The following NLRP7 variants were observed in gnomAD, a reference collection of about 807,000 sequenced individuals.
NLRP7 encodes the protein NLR family pyrin domain containing 7.
In NLRP7, 72 loss-of-function variants were observed where a neutral mutation model predicts 85.5. That is an observed-to-expected ratio of 0.84 (90% CI 0.70 to 1.02). The LOEUF (loss-of-function observed/expected upper bound fraction) is 1.02, where lower values mean the gene tolerates loss of function less well. Ranked by LOEUF, NLRP7 falls within the 50% of genes least tolerant of loss-of-function variation. The pLI is 0.00. For missense variants in NLRP7, 1,243 were observed against 1,219.5 expected (o/e 1.02, Z -0.29); for synonymous variants, 550 against 505.2 (o/e 1.09, Z -1.19).
exon 2 of NLRP7, chr19:54,941,544 T>G (rs2069226702): frequency 6.2e-7 from 1 of 1,614,072 alleles, no homozygotes; most frequent in Non-Finnish European, 8.5e-7. Context: ...TGACCAGAAT[T>G]TCTGCCAGTT....
chr19:54,925,004 C>G (rs2068372184), intron 9 of NLRP7, among the ~76,000 whole-genome samples: 1 of 152,036 alleles, frequency 6.6e-6, no homozygotes, highest in South Asian at 2.1e-4. Context: ...CCAGAGTGAA[C>G]CCCAGGGTTA....
rs763746409 is a variant in NLRP7, at chr19:54,939,730, G to A, written c.1089C>T (p.Pro363=). ...TCGTGCACACAATCCAGCACACCGCGGGGGCCGAGCCCAGCTGGAACAGGG... is the reference window on the plus strand; with the variant it reads ...TCGTGCACACAATCCAGCACACCGCAGGGGCCGAGCCCAGCTGGAACAGGG... Residue 363 remains proline (P), a synonymous_variant, in exon 4 of 10, where the codon CCC becomes CCT. Transcript: ENST00000340844. 24 of 1,613,426 alleles carry A rather than the reference G, an allele frequency of 1.5e-5. No individual in the cohort carries two copies. The South Asian group carries it at 1.5e-4, about 10-fold the overall frequency.
intron 6 of NLRP7, among the ~76,000 whole-genome samples, chr19:54,935,694 GAAAAA>G (rs34297504): frequency 9.4e-6 from 1 of 106,038 alleles, no homozygotes; most frequent in Non-Finnish European, 2.2e-5. Flanking sequence ...CTGTCTCAAA[GAAAAA>G]AAAAAAAAAA....
intron 1 of NLRP7, among the ~76,000 whole-genome samples, chr19:54,964,028 C>A (rs2195968): frequency 6.8e-6 from 1 of 147,834 alleles, no homozygotes; most frequent in Non-Finnish European, 1.5e-5. Flanking sequence ...TACAGGCACC[C>A]GCCACCACGC....
At chr19:54,937,609 A>C (rs1170247779) in intron 5 of NLRP7, among the ~76,000 whole-genome samples, 4 of 150,930 alleles carry the variant, frequency 2.7e-5, no homozygotes, top group Non-Finnish European at 1.5e-5. Flanking sequence ...ATAAAAAATA[A>C]AAAAGGGGCC....
chr19:54,959,291 A>G (rs2069958838), intron 1 of NLRP7, among the ~76,000 whole-genome samples: 1 of 150,566 alleles, frequency 6.6e-6, no homozygotes, highest in Non-Finnish European at 1.5e-5. Context: ...GGCGCACGCC[A>G]CCATGCCCGG....
chr19:54,962,931 A>G lies in NLRP7; in HGVS notation c.-77+3109T>C, dbSNP rs375690829. On this transcript the variant is annotated intron_variant, in intron 1 of 2. Coordinates refer to the NLRP7 transcript ENST00000587103. ...TTTCTTATTCTTTCTAGGATAGGCA[A>G]CTGAGCGCGGCAGTGAAGAGCTGGG... Among the ~76,000 whole-genome samples the G allele has an allele frequency of 6.2e-4, 94 of 152,198 alleles. 2 individuals are homozygous for G. The South Asian group carries it at 0.016, about 26-fold the overall frequency.
chr19:54,933,774 G>A, intron 7 of NLRP7, 35 bp from the exon 8 acceptor site: 1 of 1,587,366 alleles, frequency 6.3e-7, no homozygotes, highest in South Asian at 1.1e-5. Flanking sequence ...AGAAGGATGA[G>A]AACATTTCCA....
chr19:54,959,515 C>G (rs1315289412), intron 1 of NLRP7, among the ~76,000 whole-genome samples: 2 of 151,492 alleles, frequency 1.3e-5, no homozygotes, highest in African/African-American at 2.4e-5. Flanking sequence ...CTTCCCTCAC[C>G]AGCACTTTGG....
intron 1 of NLRP7, among the ~76,000 whole-genome samples, chr19:54,953,606 T>C (rs2069746811): frequency 6.6e-6 from 1 of 151,872 alleles, no homozygotes; most frequent in Non-Finnish European, 1.5e-5. Context: ...GGCTGTCTGC[T>C]TGTGGATTTC....
At chr19:54,944,584 CTG>C (rs1378055708) in intron 1 of NLRP7, among the ~76,000 whole-genome samples, 2 of 151,948 alleles carry the variant, frequency 1.3e-5, no homozygotes, top group African/African-American at 4.8e-5. Flanking sequence ...TACTTTGTCT[CTG>C]TGTCTCTTTC....
intron 4 of NLRP7, 122 bp from the exon 5 acceptor site, chr19:54,938,363 A>G: frequency 1.3e-6 from 1 of 763,078 alleles, no homozygotes; most frequent in South Asian, 1.4e-5. Flanking sequence ...AACAGTGTCT[A>G]TAGTAAACAA....
intron 1 of NLRP7, among the ~76,000 whole-genome samples, chr19:54,962,261 T>A (rs940586756): frequency 2.1e-5 from 3 of 145,384 alleles, no homozygotes. Flanking sequence ...ATTCCCTCCA[T>A]CCCTCAATTT....
chr19:54,949,366 A>T (rs1170117339), upstream of NLRP7, among the ~76,000 whole-genome samples: 1 of 152,076 alleles, frequency 6.6e-6, no homozygotes, highest in East Asian at 1.9e-4. Context: ...GCCTGAGTCC[A>T]GGAGTTCAAG....
chr19:54,927,268 C>G (rs572070562), intron 9 of NLRP7, among the ~76,000 whole-genome samples: 2 of 151,530 alleles, frequency 1.3e-5, no homozygotes, highest in Admixed American at 1.3e-4. Context: ...GTAATTCCAG[C>G]TACTTGGGAG....
rs1408785407 is a variant in NLRP7, at chr19:54,962,104, A to C, written c.-77+3936T>G. On this transcript the variant is annotated intron_variant, in intron 1 of 2. Coordinates refer to the NLRP7 transcript ENST00000587103. The stretch of plus-strand genomic sequence containing the variant: ...CAGGAAACCGGCAGGCAGAGGTTGC[A>C]GTGAGCTGAGATCGCGCCATTGCAC... Among the ~76,000 whole-genome samples the C allele has an allele frequency of 1.1e-4, 17 of 148,018 alleles. 1 individual carries two copies. The highest frequency in any genetic ancestry group is 1.5e-5 in the Non-Finnish European group (1 of 66,924).
upstream of NLRP7, chr19:54,948,968 T>C (rs2069584726): frequency 1.1e-5 from 2 of 177,094 alleles, no homozygotes; most frequent in African/African-American, 2.4e-5. Context: ...AGTTGCAGCA[T>C]GCCATCTATA....
intron 1 of NLRP7, among the ~76,000 whole-genome samples, chr19:54,945,123 G>T (rs2069408641): frequency 6.6e-6 from 1 of 150,816 alleles, no homozygotes; most frequent in African/African-American, 2.4e-5. Context: ...GGCGCCTGTA[G>T]TCCCAGCTAC....
intron 1 of NLRP7, among the ~76,000 whole-genome samples, chr19:54,944,554 A>T (rs2069383071): frequency 6.6e-6 from 1 of 151,760 alleles, no homozygotes; most frequent in Non-Finnish European, 1.5e-5. Flanking sequence ...GGGTCTCCTG[A>T]GCCCACTTTT....
Sources: allele counts gnomAD v4.1 joint callset (sites outside exome capture counted in the v4.1 genomes callset), GRCh38; gene constraint gnomAD v4.1.1; transcripts MANE v1.5; gene names NCBI Gene and HGNC (gene_info 2026-07-23, HGNC 2026-07-21).